The following SNX29 variants were observed in gnomAD, a reference collection of about 807,000 sequenced individuals.
SNX29 encodes sorting nexin-29.
In SNX29, 78 loss-of-function variants were observed where a neutral mutation model predicts 102.1. That is an observed-to-expected ratio of 0.76 (90% confidence interval 0.64 to 0.92). The LOEUF is 0.92. Among genes scored for constraint, SNX29 ranks in the 40% least tolerant of loss-of-function variants. The probability of loss-of-function intolerance (pLI) is 0.00; values close to 1 mark genes in which losing one functional copy is unlikely to be tolerated. For missense variants in SNX29, 1,280 were observed against 1,061.7 expected (o/e 1.21, Z -2.86); for synonymous variants, 580 against 414.5 (o/e 1.40, Z -4.85).
At position 12,506,849 on chromosome 16, in the gene SNX29, CCTT is replaced by C. The variant is rs560677043; in HGVS notation, c.2179-17850_2179-17848del. 1.8e-3 allele frequency among the ~76,000 whole-genome samples: 255 copies of C among 137,914 alleles called. 1 individual carries two copies. The highest frequency in any genetic ancestry group is 6.5e-3 in the African/African-American group (246 of 38,046). The allele number at this position is 137,914 out of a possible 152,430, so 90.5% of individuals were successfully genotyped here. A position where few individuals can be genotyped will look rare whatever the true frequency, so the allele number is the denominator to read the frequency against. ...ACCCACCCACCAAATCCAGCTGAAA[CCTT>C]CTCATCTTTCAAATCTCTTTCCTCA... On this transcript the variant is annotated intron_variant, in intron 19 of 20. Coordinates refer to ENST00000566228, the MANE Select transcript of SNX29 (RefSeq NM_032167.5).
rs1173635999 is a variant in SNX29 at position 12,459,182 on chromosome 16, G to T, written c.2038-18537G>T. On this transcript the variant is annotated intron_variant, in intron 18 of 20. Transcript: ENST00000566228. ...CCCCTCCTCCCCTATCCTCCTACCC[G>T]CCTTTTCCCCCTTAGGTTCTGCGTC... Among the ~76,000 whole-genome samples, 5 of 94,766 alleles carry T rather than the reference G, an allele frequency of 5.3e-5. No homozygotes were observed. The East Asian group carries it at 1.8e-3, about 34-fold the overall frequency. 62.2% of individuals were successfully genotyped at this position (94,766 alleles called of 152,430 possible).
intron 20 of SNX29, among the ~76,000 whole-genome samples, chr16:12,542,275 G>GTTCCTCC (rs1452351908): frequency 8.4e-6 from 1 of 118,536 alleles, no homozygotes; most frequent in African/African-American, 2.7e-5. Context: ...GAGGCATGGA[G>GTTCCTCC]AAATGGAGGA....
intron 15 of SNX29, 39 bp from the exon 16 acceptor site, chr16:12,356,123 GT>G: frequency 6.3e-7 from 1 of 1,578,350 alleles, no homozygotes; most frequent in Non-Finnish European, 8.6e-7. Flanking sequence ...CCTGGGGAAT[GT>G]CTGCCTCTAA....
In SNX29 at chr16:12,489,570, A is replaced by G. The variant is rs538694001; in HGVS notation, c.2178+11711A>G. On this transcript the variant is annotated intron_variant, in intron 19 of 20. Coordinates refer to ENST00000566228, the MANE Select transcript of SNX29 (RefSeq NM_032167.5). ...ACATGGTGGTGAGCACACTGACAGC[A>G]TGGGCTGTGGTGAAGAGTGAACAAG... Among the ~76,000 whole-genome samples, 6 of 152,362 alleles carry G rather than the reference A, an allele frequency of 3.9e-5. No homozygotes were observed. The East Asian group carries it at 9.6e-4, about 24-fold the overall frequency.
At chr16:12,539,039 C>T (rs572452385) in intron 20 of SNX29, among the ~76,000 whole-genome samples, 71 of 152,244 alleles carry the variant, frequency 4.7e-4, no homozygotes, top group African/African-American at 1.6e-3. Context: ...GAATGGGGCC[C>T]AGAAAGACAT....
At chr16:12,540,589 C>G (rs559490653) in intron 20 of SNX29, among the ~76,000 whole-genome samples, 2 of 152,292 alleles carry the variant, frequency 1.3e-5, no homozygotes, top group African/African-American at 2.4e-5. Flanking sequence ...AGCAATTACT[C>G]TGGGACCCTG....
intron 19 of SNX29, among the ~76,000 whole-genome samples, chr16:12,513,433 C>T (rs532482084): frequency 1.3e-5 from 2 of 152,120 alleles, no homozygotes; most frequent in South Asian, 2.1e-4. Flanking sequence ...CTACCCTCTC[C>T]TCTTCCCTGC....
intron 16 of SNX29, among the ~76,000 whole-genome samples, chr16:12,392,214 C>T (rs1231311847): frequency 6.6e-6 from 1 of 152,190 alleles, no homozygotes; most frequent in Non-Finnish European, 1.5e-5. Context: ...CTTTTCATAG[C>T]TGCGCAGCCT....
chr16:12,267,044 G>A (rs1470125163), intron 14 of SNX29, among the ~76,000 whole-genome samples: 1 of 152,166 alleles, frequency 6.6e-6, no homozygotes, highest in Non-Finnish European at 1.5e-5. Context: ...ATCACAGTGA[G>A]CCACTCTGCG....
At chr16:12,293,003 G>T (rs1360324831) in intron 15 of SNX29, among the ~76,000 whole-genome samples, 2 of 152,168 alleles carry the variant, frequency 1.3e-5, no homozygotes. Flanking sequence ...AATGAATAAT[G>T]AATAGACAAA....
intron 15 of SNX29, among the ~76,000 whole-genome samples, chr16:12,328,171 C>T (rs116345137): frequency 0.011 from 1,618 of 152,262 alleles, 23 homozygotes; most frequent in African/African-American, 0.037. Context: ...CACAGTGCCT[C>T]CCGCAGAGTA....
chr16:12,467,627 C>CGTTA (rs1368791330), intron 18 of SNX29, among the ~76,000 whole-genome samples: 3 of 132,256 alleles, frequency 2.3e-5, no homozygotes, highest in African/African-American at 1.1e-4. Context: ...TTCGTTAGTT[C>CGTTA]GTTCGTTCGT....
intron 15 of SNX29, among the ~76,000 whole-genome samples, chr16:12,286,593 C>T (rs1461526566): frequency 3.3e-5 from 5 of 152,100 alleles, no homozygotes; most frequent in African/African-American, 1.2e-4. Context: ...GATCCACCCG[C>T]CTTGGCCTCC....
intron 20 of SNX29, among the ~76,000 whole-genome samples, chr16:12,563,120 GA>G (rs1252992190): frequency 6.6e-6 from 1 of 152,122 alleles, no homozygotes; most frequent in Non-Finnish European, 1.5e-5. Flanking sequence ...CAGAGCCTAG[GA>G]AAGGTCGCCA....
intron 19 of SNX29, among the ~76,000 whole-genome samples, chr16:12,500,453 G>T (rs553781826): frequency 3.9e-5 from 6 of 152,126 alleles, no homozygotes; most frequent in Non-Finnish European, 8.8e-5. Flanking sequence ...ACAGGAGTCC[G>T]CCTCTCTGTA....
intron 11 of SNX29, among the ~76,000 whole-genome samples, chr16:12,102,304 A>G (rs1248493094): frequency 6.6e-6 from 1 of 152,216 alleles, no homozygotes; most frequent in Non-Finnish European, 1.5e-5. Flanking sequence ...GCTGGGTCAA[A>G]TGATATTTCT....
chr16:12,543,620 C>CCCAGTGCT (rs2077445913), intron 20 of SNX29, among the ~76,000 whole-genome samples: 1 of 151,986 alleles, frequency 6.6e-6, no homozygotes, highest in Admixed American at 6.6e-5. Context: ...TGGGCAGTGC[C>CCCAGTGCT]CCAGTGCTCC....
At chr16:12,147,255 T>A (rs1229839865) in intron 13 of SNX29, among the ~76,000 whole-genome samples, 1 of 152,164 alleles carries the variant, frequency 6.6e-6, no homozygotes. Flanking sequence ...AACATGCAGC[T>A]GTTAAGGGAA....
At chr16:12,021,571 C>A (rs760712611) in intron 3 of SNX29, among the ~76,000 whole-genome samples, 3 of 152,068 alleles carry the variant, frequency 2.0e-5, no homozygotes, top group Non-Finnish European at 4.4e-5. Flanking sequence ...TTAATAGATT[C>A]GTGTGCAGAT....
Sources: gnomAD v4.1 joint callset for allele counts (sites outside exome capture counted in the v4.1 genomes callset) on GRCh38, gnomAD v4.1.1 for gene constraint, MANE v1.5 for transcripts, NCBI Gene and HGNC (gene_info 2026-07-23, HGNC 2026-07-21) for gene names.